The following EXD3 variants were observed in gnomAD, a reference collection of about 807,000 sequenced individuals.
The protein encoded by EXD3 is exonuclease 3'-5' domain containing 3, also known as exonuclease mut-7 homolog.
In EXD3, 92 loss-of-function variants were observed where a neutral mutation model predicts 98.0. The observed-to-expected ratio is 0.94, with a 90% confidence interval of 0.79 to 1.12. EXD3 has a LOEUF of 1.12. EXD3 is among the 50% of genes most tolerant of loss of function. The probability of loss-of-function intolerance (pLI) is 0.00; values close to 1 mark genes in which losing one functional copy is unlikely to be tolerated. For missense variants in EXD3, 1,222 were observed against 1,191.6 expected, an observed-to-expected ratio of 1.03 and a Z score of -0.38; for synonymous variants, 569 against 526.0, an observed-to-expected ratio of 1.08 and a Z score of -1.12.
chr9:137,318,446 G>A (rs1336305531), intron 19 of EXD3, among the ~76,000 whole-genome samples: 3 of 152,176 alleles, frequency 2.0e-5, no homozygotes, highest in Admixed American at 6.5e-5. Context: ...ACGTGTCCCC[G>A]TGGGGGCTGC....
At chr9:137,400,695 G>A (rs1203869278) in intron 1 of EXD3, among the ~76,000 whole-genome samples, 1 of 151,880 alleles carries the variant, frequency 6.6e-6, no homozygotes, top group East Asian at 1.9e-4. Flanking sequence ...AACCTGGGAG[G>A]TGGAGGTTGC....
chr9:137,355,714 A>AGGAAGGAGAAAG (rs1834734673), intron 8 of EXD3, among the ~76,000 whole-genome samples: 2 of 146,336 alleles, frequency 1.4e-5, no homozygotes. Flanking sequence ...GGAAGGAGGA[A>AGGAAGGAGAAAG]GGAGGAAGGA....
Position 137,405,835 on chromosome 9 carries a change from C to T in EXD3, c.-47-10431G>A, listed in dbSNP as rs75423594. 0.03 allele frequency among the ~76,000 whole-genome samples: 4,594 copies of T among 152,350 alleles called. 98 individuals are homozygous for T. Among genetic ancestry groups the T allele is most frequent in the South Asian group, 0.045 (218 of 4,830 alleles). On this transcript the variant is annotated intron_variant, in intron 1 of 21. Transcript: ENST00000340951. The surrounding 1 kb of genome is among the most constrained non-coding windows in gnomAD (Gnocchi z 4.1). ...TCCCCGCCCTGCCTACCATCTGCTG[C>T]CCTGGAACCCTTGGTGGGACCCGCT...
At chr9:137,328,574 C>T (rs113073786) in intron 17 of EXD3, among the ~76,000 whole-genome samples, 6,126 of 119,860 alleles carry the variant, frequency 0.051, 262 homozygotes, top group African/African-American at 0.13. Context: ...AGACTAGTTA[C>T]ACAGGAGCTA....
At position 137,407,796 on chromosome 9, in the gene EXD3, TGGATGCGCCGGCTGGACCCAA is replaced by T. The variant is rs1328634412; in HGVS notation, c.-47-12413_-47-12393del. Among the ~76,000 whole-genome samples the T allele has an allele frequency of 3.4e-5, 5 of 148,858 alleles. No individual in the cohort carries two copies. The highest frequency in any genetic ancestry group is 6.6e-5 in the Admixed American group (1 of 15,058). ...ACGGGTCCACAGGCATTCGAGGTCT[TGGATGCGCCGGCTGGACCCAA>T]GGACACACGCGGGAGGCGGGAGGCG... On this transcript the variant is annotated intron_variant, in intron 1 of 21. Transcript: ENST00000340951. This position sits in a 1 kb window ranked among gnomAD's most constrained non-coding sequence, Gnocchi z 4.4.
chr9:137,394,115 C>T (rs992653248), intron 2 of EXD3, among the ~76,000 whole-genome samples: 12 of 151,986 alleles, frequency 7.9e-5, no homozygotes, highest in South Asian at 2.1e-4. Flanking sequence ...TCCCAGCCGC[C>T]GCTTCCCTAA....
At chr9:137,397,180 C>T (rs1268308322) in intron 1 of EXD3, among the ~76,000 whole-genome samples, 1 of 152,238 alleles carries the variant, frequency 6.6e-6, no homozygotes, top group Non-Finnish European at 1.5e-5. Flanking sequence ...GACCAGACGG[C>T]CACAGCCGAA....
chr9:137,384,404 G>T (rs765797151), intron 2 of EXD3, among the ~76,000 whole-genome samples: 11 of 152,260 alleles, frequency 7.2e-5, no homozygotes, highest in Admixed American at 5.9e-4. Context: ...TAGACACAGA[G>T]CAAGTGTTCT....
chr9:137,414,905 TGA>T (rs1838165269), intron 1 of EXD3, among the ~76,000 whole-genome samples: 1 of 152,210 alleles, frequency 6.6e-6, no homozygotes, highest in Non-Finnish European at 1.5e-5. Context: ...TTGTCCAGGC[TGA>T]GACGGAATCT....
chr9:137,351,326 G>C lies in EXD3; in HGVS notation c.1376C>G (p.Thr459Ser), dbSNP rs976804642. 3.1e-6 allele frequency: 5 copies of C among 1,611,356 alleles called. No homozygotes were observed. The highest frequency in any genetic ancestry group is 1.7e-4 in the Middle Eastern group (1 of 6,016). ...CCCAGGGCTTCACTCACCCAGCTTGGTGATAGAGGGGTCCGAGAGGAGCTG... is the reference window on the plus strand; with the variant it reads ...CCCAGGGCTTCACTCACCCAGCTTGCTGATAGAGGGGTCCGAGAGGAGCTG... ...VAQLLSDPSI[T>S]KLGYGMVGDL... The change falls in exon 13 of 22, where the codon ACC becomes AGC. Residue 459 changes from threonine (T) to serine (S), a missense_variant. Physicochemically the swap from Thr to Ser is moderately conservative, Grantham distance 58. Transcript: ENST00000340951.
In EXD3 at chr9:137,407,068, AGAGGC is replaced by A. The variant is rs1837750008; in HGVS notation, c.-47-11669_-47-11665del. Among the ~76,000 whole-genome samples the A allele has an allele frequency of 6.6e-6, 1 of 152,178 alleles. No individual in the cohort carries two copies. The highest frequency in any genetic ancestry group is 1.5e-5 in the Non-Finnish European group (1 of 68,008). ...CTCGCCAGCAAACCCGCCCGTTCAC[AGAGGC>A]ACCGGAGCGGGCGGGCGGGGGCGGC... On this transcript the variant is annotated intron_variant, in intron 1 of 21. Transcript: ENST00000340951. The surrounding 1 kb of genome is among the most constrained non-coding windows in gnomAD (Gnocchi z 4.4).
rs1199372731 is a variant in EXD3 at position 137,307,155 on chromosome 9, G to A, written c.2426C>T (p.Thr809Ile). Residue 809 changes from threonine to isoleucine, a missense_variant, in exon 22 of 22, where the codon ACC becomes ATC. By Grantham distance (89) the Thr-to-Ile change is moderately conservative. Coordinates refer to ENST00000340951, the MANE Select transcript of EXD3 (RefSeq NM_017820.5). ...AETPDMLADG[T>I]RLQLAGVPVG... ...CGGGACCCCTGCCAGCTGCAGCCGG[G>A]TGCCGTCGGCCAGCATGTCCGGTGT... 13 of 1,592,054 alleles carry A rather than the reference G, an allele frequency of 8.2e-6. No homozygotes were observed. Among genetic ancestry groups the A allele is most frequent in the Non-Finnish European group, 1.1e-5 (13 of 1,170,480 alleles).
intron 1 of EXD3, among the ~76,000 whole-genome samples, chr9:137,416,998 C>T (rs1157318534): frequency 6.6e-6 from 1 of 152,186 alleles, no homozygotes; most frequent in African/African-American, 2.4e-5. Context: ...GAGGGTCTGA[C>T]CAAGGGGACC....
At position 137,352,918 on chromosome 9, in the gene EXD3, AC is replaced by A. The variant is rs1834385321; in HGVS notation, c.871-133del. On this transcript the variant is annotated intron_variant, in intron 10 of 21. Transcript: ENST00000340951. ...ACTCGGGGAGGAGGGGCAGCCGTCC[AC>A]CTGAGGCCTGCAGCATCTGTCCTGC... 5.6e-6 allele frequency: 8 copies of A among 1,435,132 alleles called. No homozygotes were observed. In the Admixed American group the frequency reaches 8.7e-5, roughly 16 times the overall value. The allele number at this position is 1,435,132 out of a possible 1,614,324, so 88.9% of individuals were successfully genotyped here.
At chr9:137,413,822 C>A (rs1392461545) in intron 1 of EXD3, among the ~76,000 whole-genome samples, 1 of 152,090 alleles carries the variant, frequency 6.6e-6, no homozygotes, top group Non-Finnish European at 1.5e-5. Context: ...CTCCCTCTGC[C>A]CCTCCTCAGC....
chr9:137,330,150 A>T (rs1202964148), intron 17 of EXD3, among the ~76,000 whole-genome samples: 5 of 116,480 alleles, frequency 4.3e-5, no homozygotes, highest in Admixed American at 3.3e-4. Context: ...ACTACACCGG[A>T]GCTACACAGG....
intron 7 of EXD3, among the ~76,000 whole-genome samples, chr9:137,360,463 C>CTTT (rs398113954): frequency 0.012 from 738 of 59,408 alleles, 164 homozygotes; most frequent in African/African-American, 0.036. Flanking sequence ...TTTTCTTCTT[C>CTTT]TTTTTTTTTT....
Position 137,352,752 on chromosome 9 carries a change from T to A in EXD3, c.905A>T (p.Gln302Leu), listed in dbSNP as rs752361302. ...GTGGGAGACCAGCAGCTGAGACAGC[T>A]GCTCCTGAAGCCACGGGCTCTGCCC... ...LVGQSPWLQE[Q>L]LSQLLVSHSD... The change falls in exon 11 of 22, where the codon CAG (glutamine) becomes CTG (leucine). Residue 302 changes from glutamine to leucine, a missense_variant. By Grantham distance (113) the Gln-to-Leu change is moderately radical. Transcript: ENST00000340951. The A allele has an allele frequency of 2.5e-6, 4 of 1,578,660 alleles. No individual in the cohort carries two copies. The South Asian group carries it at 4.6e-5, about 18-fold the overall frequency.
At chr9:137,399,225 C>T (rs1837371977) in intron 1 of EXD3, among the ~76,000 whole-genome samples, 1 of 152,208 alleles carries the variant, frequency 6.6e-6, no homozygotes, top group Non-Finnish European at 1.5e-5. Flanking sequence ...CCCCCTGACT[C>T]GAGTGCCAGC....
Sources: allele counts gnomAD v4.1 joint callset (sites outside exome capture counted in the v4.1 genomes callset), GRCh38; gene constraint gnomAD v4.1.1; non-coding constraint Gnocchi (gnomAD v3.1); transcripts MANE v1.5; gene names NCBI Gene and HGNC (gene_info 2026-07-23, HGNC 2026-07-21).